DCTN1: variants seen among roughly 807,000 people sequenced by gnomAD.
DCTN1 encodes dynactin subunit 1.
In DCTN1, 61 loss-of-function variants were observed where a neutral mutation model predicts 161.2. The ratio of observed to expected loss-of-function variants is 0.38; its 90% CI spans 0.31 to 0.47. The LOEUF (loss-of-function observed/expected upper bound fraction) is 0.47, where lower values mean the gene tolerates loss of function less well. DCTN1 is among the 20% of genes least tolerant of loss of function. The pLI is 0.99. For missense variants in DCTN1, 1,404 were observed against 1,623.7 expected (o/e 0.86, Z 2.33); for synonymous variants, 653 against 632.4 (o/e 1.03, Z -0.49).
intron 19 of DCTN1, 110 bp downstream of exon 19, chr2:74,367,242 G>A (rs1674488385): frequency 2.6e-6 from 4 of 1,533,058 alleles, no homozygotes; most frequent in Non-Finnish European, 3.6e-6. Context: ...TATGGCTTTG[G>A]TAACTCTGCC....
chr2:74,368,459 A>C, intron 16 of DCTN1: 1 of 620,110 alleles, frequency 1.6e-6, no homozygotes, highest in Non-Finnish European at 2.8e-6. Context: ...ACCCCTAGGC[A>C]CCTCCTGGCC....
At chr2:74,362,839 G>C in intron 29 of DCTN1, 110 bp from the exon 30 acceptor site, 2 of 1,300,042 alleles carry the variant, frequency 1.5e-6, no homozygotes, top group Non-Finnish European at 2.2e-6. Flanking sequence ...AAGTACTTGA[G>C]AGAGAGTGGG....
chr2:74,389,646 C>G (rs1187724949), intron 1 of DCTN1, among the ~76,000 whole-genome samples: 3 of 152,184 alleles, frequency 2.0e-5, no homozygotes, highest in Non-Finnish European at 4.4e-5. Context: ...TTCCTTTCTC[C>G]TCCATTATCA....
In DCTN1 at chr2:74,361,405, G is replaced by A. The variant is rs1006433114; in HGVS notation, c.*94C>T. The stretch of plus-strand genomic sequence containing the variant: ...ACGGGGCAGGAAGAGCTTAACCCAC[G>A]TTTCTACCTGGGGGCTGGCTGAGGT... On this transcript the variant is annotated 3_prime_UTR_variant, in exon 32 of 32. Coordinates refer to ENST00000628224, the MANE Select transcript of DCTN1 (RefSeq NM_004082.5). 1.9e-6 allele frequency: 3 copies of A among 1,582,290 alleles called. No individual in the cohort carries two copies. Among genetic ancestry groups the A allele is most frequent in the Non-Finnish European group, 1.7e-6 (2 of 1,159,038 alleles).
intron 1 of DCTN1, among the ~76,000 whole-genome samples, chr2:74,389,754 T>C (rs1311502574): frequency 5.9e-5 from 9 of 152,226 alleles, no homozygotes; most frequent in African/African-American, 2.2e-4. Context: ...TAACAGCTGC[T>C]CTGCCTACCT....
At chr2:74,366,755 C>T in intron 21 of DCTN1, 28 bp downstream of exon 21, 1 of 1,614,252 alleles carries the variant, frequency 6.2e-7, no homozygotes, top group Non-Finnish European at 8.5e-7. Flanking sequence ...ACTCAGTTTC[C>T]TTCCCTTCCC....
chr2:74,391,825 G>T (rs777620309), exon 1 of DCTN1: 2 of 453,734 alleles, frequency 4.4e-6, no homozygotes, highest in African/African-American at 4.0e-5. Flanking sequence ...GCCCAGCTCC[G>T]ACCCCACCGA....
upstream of DCTN1, among the ~76,000 whole-genome samples, chr2:74,384,382 G>A (rs1675640018): frequency 6.6e-6 from 1 of 152,152 alleles, no homozygotes; most frequent in Non-Finnish European, 1.5e-5. Context: ...CCGGGCCCAG[G>A]CCCATATCCC....
chr2:74,361,999 G>A (rs1171648234), intron 31 of DCTN1, 53 bp downstream of exon 31: 8 of 1,574,556 alleles, frequency 5.1e-6, no homozygotes, highest in Non-Finnish European at 6.1e-6. Context: ...GGAGAGGGGG[G>A]CCCGCCTGAG....
chr2:74,372,128 TCA>T, intron 7 of DCTN1: 1 of 257,190 alleles, frequency 3.9e-6, no homozygotes, highest in Non-Finnish European at 7.7e-6. Context: ...CATTATACTC[TCA>T]GTCCCATCCT....
chr2:74,367,755 C>T lies in DCTN1; in HGVS notation c.2125G>A (p.Asp709Asn). 6.8e-6 allele frequency: 11 copies of T among 1,614,208 alleles called. No individual in the cohort carries two copies. The highest frequency in any genetic ancestry group is 9.3e-6 in the Non-Finnish European group (11 of 1,180,042). Residue 709 changes from aspartate (D) to asparagine (N), a missense_variant, in exon 18 of 32, where the codon GAT (aspartate) becomes AAT (asparagine). By Grantham distance (23) the Asp-to-Asn change is conservative. Coordinates refer to ENST00000628224, the MANE Select transcript of DCTN1 (RefSeq NM_004082.5). ...ACATTGACAGTCTCATCCAGCTGAT[C>T]CTTGTGCAGCAGTTCAATGAGGAAA... ...LDFLIELLHK[D>N]QLDETVNVEP...
chr2:74,365,893 C>T lies in DCTN1; in HGVS notation c.2886G>A (p.Lys962=). 6.2e-7 allele frequency: 1 copy of T among 1,614,236 alleles called. No individual in the cohort carries two copies. Residue 962 remains lysine, a splice_region_variant and synonymous_variant, in exon 24 of 32, where the codon AAG becomes AAA. Transcript: ENST00000628224. ...IKELKKSLKI[K]GEELSEANVR... is the part of the protein sequence containing the mutation. ...GATCCTGAGCCTACACTACCCTCAC[C>T]TTAATCTTGAGTGACTTCTTCAACT...
In DCTN1 at chr2:74,371,517, AC is replaced by A; in HGVS notation, c.645+19del. On this transcript the variant is annotated intron_variant, in intron 8 of 31. Transcript: ENST00000628224. ...CCTCTGGGTGTCTTGATTCTCCTTT[AC>A]CCCTACCCCAGGCCTTACCTTGGAT... The A allele has an allele frequency of 6.4e-7, 1 of 1,555,214 alleles. No homozygotes were observed. Among genetic ancestry groups the A allele is most frequent in the Non-Finnish European group, 8.7e-7 (1 of 1,149,530 alleles).
intron 1 of DCTN1, among the ~76,000 whole-genome samples, chr2:74,386,033 G>A (rs1017637811): frequency 2.0e-5 from 3 of 152,120 alleles, no homozygotes; most frequent in East Asian, 1.9e-4. Flanking sequence ...AATCACTATC[G>A]GTCACTTGTC....
intron 1 of DCTN1, among the ~76,000 whole-genome samples, chr2:74,390,288 C>T (rs1675934632): frequency 6.6e-6 from 1 of 152,194 alleles, no homozygotes; most frequent in African/African-American, 2.4e-5. Flanking sequence ...AGACGGGTAA[C>T]ACTTCTTTCC....
In DCTN1 at chr2:74,367,836, A is replaced by T; in HGVS notation, c.2044T>A (p.Tyr682Asn). The T allele has an allele frequency of 6.2e-7, 1 of 1,614,144 alleles. No homozygotes were observed. The highest frequency in any genetic ancestry group is 1.1e-5 in the South Asian group (1 of 91,082). The change falls in exon 18 of 32, where the codon TAT becomes AAT. Residue 682 changes from tyrosine to asparagine, a missense_variant. This residue lies in a region of DCTN1 where 475 missense variants were observed against 489.8 expected (regional missense o/e 0.97). Transcript: ENST00000628224. ...HALSQCSVDV[Y>N]KKVGSLYPEM... ...GGGTACAGGCTGCCCACTTTCTTATACACATCCACACTGCACTGAGAGAGG... is the reference window on the plus strand; with the variant it reads ...GGGTACAGGCTGCCCACTTTCTTATTCACATCCACACTGCACTGAGAGAGG...
At chr2:74,383,099 T>TA (rs777699877), upstream of DCTN1, among the ~76,000 whole-genome samples, 22 of 149,326 alleles carry the variant, frequency 1.5e-4, no homozygotes, top group South Asian at 6.3e-4. Context: ...AAAAAATAAA[T>TA]AAATAAAATA....
chr2:74,365,478 G>C (rs768115432), intron 25 of DCTN1, 37 bp downstream of exon 25: 4 of 1,614,004 alleles, frequency 2.5e-6, no homozygotes, highest in South Asian at 1.1e-5. Context: ...GCAGTGGGAG[G>C]ATTAGAGGAA....
At chr2:74,382,131 T>C (rs531704653), upstream of DCTN1, among the ~76,000 whole-genome samples, 1 of 152,330 alleles carries the variant, frequency 6.6e-6, no homozygotes, top group African/African-American at 2.4e-5. Flanking sequence ...TAGGCCACAC[T>C]GCCTTAAAAA....
Sources: allele counts gnomAD v4.1 joint callset (sites outside exome capture counted in the v4.1 genomes callset), GRCh38; gene constraint gnomAD v4.1.1; regional missense constraint gnomAD v4.1.1; transcripts MANE v1.5; gene names NCBI Gene and HGNC (gene_info 2026-07-23, HGNC 2026-07-21).